The following MPZL3 variants were observed in gnomAD, a reference collection of about 807,000 sequenced individuals.
The protein encoded by MPZL3 is myelin protein zero like 3.
A neutral mutation model predicts 24.8 loss-of-function variants in MPZL3; 23 were observed. The ratio of observed to expected loss-of-function variants is 0.93; its 90% CI spans 0.67 to 1.31. MPZL3 has a LOEUF of 1.31. MPZL3 is among the 40% of genes most tolerant of loss of function. MPZL3 has a pLI of 0.00. For synonymous variants in MPZL3, 99 were observed against 106.5 expected, an observed-to-expected ratio of 0.93 and a Z score of 0.44; for missense variants, 277 against 294.9, an observed-to-expected ratio of 0.94 and a Z score of 0.44.
At position 118,229,146 on chromosome 11, in the gene MPZL3, A is replaced by AC. The variant is rs1472145745; in HGVS notation, c.*747_*748insG. The AC allele has an allele frequency of 1.4e-5, 2 of 141,492 alleles. No homozygotes were observed. The highest frequency in any genetic ancestry group is 4.3e-4 in the East Asian group (2 of 4,672). 8.8% of individuals were successfully genotyped at this position (141,492 alleles called of 1,614,324 possible). On this transcript the variant is annotated 3_prime_UTR_variant, in exon 6 of 6. Transcript: ENST00000278949. ...GCCTCAAAAAAAAAAAAAAAAAAAA[A>AC]AAAGCAAGACAGAAAATAACAAAGA...
chr11:118,240,283 T>C lies in MPZL3; in HGVS notation c.168A>G (p.Ser56=). 6.2e-7 allele frequency: 1 copy of C among 1,607,384 alleles called. No individual in the cohort carries two copies. The highest frequency in any genetic ancestry group is 1.1e-5 in the South Asian group (1 of 89,526). Residue 56 remains serine (S), a synonymous_variant, in exon 2 of 6, where the codon TCA becomes TCG. Coordinates refer to ENST00000278949, the MANE Select transcript of MPZL3 (RefSeq NM_198275.3). ...EKIKLKCTFK[S]TSDVTDKLTI... The stretch of plus-strand genomic sequence containing the variant: ...TAAGTTTGTCAGTGACATCTGAAGT[T>C]GACTTGAAAGTGCATTTCAACTTGA...
At chr11:118,243,578 G>A (rs767668185) in intron 1 of MPZL3, among the ~76,000 whole-genome samples, 3 of 152,086 alleles carry the variant, frequency 2.0e-5, no homozygotes, top group Non-Finnish European at 4.4e-5. Flanking sequence ...AGAGCAGCCG[G>A]GGCAACATGG....
At chr11:118,234,950 T>C (rs1949403558) in intron 4 of MPZL3, among the ~76,000 whole-genome samples, 1 of 152,206 alleles carries the variant, frequency 6.6e-6, no homozygotes, top group Non-Finnish European at 1.5e-5. Flanking sequence ...CCACGATCCA[T>C]GTAGCCCCTC....
Position 118,241,636 on chromosome 11 carries a change from G to A in MPZL3, c.74-1259C>T, listed in dbSNP as rs548183631. 3.9e-5 allele frequency among the ~76,000 whole-genome samples: 6 copies of A among 152,336 alleles called. No individual in the cohort carries two copies. In the East Asian group the frequency reaches 1.2e-3, roughly 29 times the overall value. On this transcript the variant is annotated intron_variant, in intron 1 of 5. Coordinates refer to ENST00000278949, the MANE Select transcript of MPZL3 (RefSeq NM_198275.3). ...TCAGTGCGTGTTAGACAGTGTCATTGTCATTATTGCCACCTCTTCAGTCCT... is the reference window on the plus strand; with the variant it reads ...TCAGTGCGTGTTAGACAGTGTCATTATCATTATTGCCACCTCTTCAGTCCT...
intron 5 of MPZL3, among the ~76,000 whole-genome samples, chr11:118,232,543 AT>A (rs1407159663): frequency 9.9e-5 from 15 of 152,160 alleles, no homozygotes; most frequent in African/African-American, 3.6e-4. Flanking sequence ...AGAACAGTAC[AT>A]ATGGCACGTG....
At chr11:118,250,601 A>G (rs899090375) in intron 1 of MPZL3, among the ~76,000 whole-genome samples, 2 of 152,056 alleles carry the variant, frequency 1.3e-5, no homozygotes, top group African/African-American at 4.8e-5. Flanking sequence ...GTTTTTTGAG[A>G]CGGAGTTTCT....
At chr11:118,246,000 T>C (rs1949552639) in intron 1 of MPZL3, among the ~76,000 whole-genome samples, 1 of 152,312 alleles carries the variant, frequency 6.6e-6, no homozygotes, top group East Asian at 1.9e-4. Context: ...CAAAGAGATA[T>C]GGGTTACAAT....
At chr11:118,251,095 GT>G (rs1481703600) in intron 1 of MPZL3, among the ~76,000 whole-genome samples, 4 of 150,516 alleles carry the variant, frequency 2.7e-5, no homozygotes, top group African/African-American at 9.9e-5. Flanking sequence ...GTGTGTGTGT[GT>G]GTGTGTGTGT....
intron 1 of MPZL3, among the ~76,000 whole-genome samples, chr11:118,245,689 T>C (rs1324509173): frequency 2.0e-5 from 3 of 152,122 alleles, no homozygotes; most frequent in Admixed American, 6.5e-5. Flanking sequence ...ATGGATCTAG[T>C]GGAAAGGGAA....
intron 2 of MPZL3, 101 bp from the exon 3 acceptor site, chr11:118,237,361 G>GT (rs920867177): frequency 3.1e-4 from 337 of 1,080,088 alleles, no homozygotes; most frequent in African/African-American, 1.7e-3. Flanking sequence ...ATAATGGTGT[G>GT]TTTTTTTTCA....
intron 4 of MPZL3, among the ~76,000 whole-genome samples, chr11:118,234,174 T>G (rs1949390312): frequency 6.6e-6 from 1 of 152,208 alleles, no homozygotes; most frequent in Admixed American, 6.5e-5. Context: ...AGTCTGAGCA[T>G]TGTGCTAGCC....
chr11:118,244,859 G>C (rs1053019810), intron 1 of MPZL3, among the ~76,000 whole-genome samples: 2 of 152,124 alleles, frequency 1.3e-5, no homozygotes, highest in Non-Finnish European at 1.5e-5. Context: ...GGTGGATCAC[G>C]AGTTCAGGAG....
At chr11:118,249,227 G>A (rs751479747) in intron 1 of MPZL3, among the ~76,000 whole-genome samples, 6 of 152,094 alleles carry the variant, frequency 3.9e-5, no homozygotes, top group East Asian at 1.9e-4. Context: ...GAAGGCTTTT[G>A]GAATGCAAGG....
intron 2 of MPZL3, among the ~76,000 whole-genome samples, chr11:118,239,996 A>G (rs1264205812): frequency 1.3e-5 from 2 of 152,226 alleles, no homozygotes; most frequent in African/African-American, 4.8e-5. Flanking sequence ...TGAGTTTCTG[A>G]CAGCTTTTTT....
chr11:118,229,817 C>G lies in MPZL3; in HGVS notation c.*77G>C, dbSNP rs761780746. On this transcript the variant is annotated 3_prime_UTR_variant, in exon 6 of 6. Coordinates refer to ENST00000278949, the MANE Select transcript of MPZL3 (RefSeq NM_198275.3). ...ATGGTCCAGGCCAGCTCCACTTTCT[C>G]TGACAGGCTTTAGCTGCCAGTGGAA... is the stretch of plus-strand genomic sequence containing the variant. The G allele has an allele frequency of 3.5e-5, 52 of 1,504,202 alleles. 1 individual carries two copies. The South Asian group carries it at 5.7e-4, about 16-fold the overall frequency. The allele number at this position is 1,504,202 out of a possible 1,614,324, so 93.2% of individuals were successfully genotyped here. A position where few individuals can be genotyped will look rare whatever the true frequency, so the allele number is the denominator to read the frequency against.
chr11:118,248,623 C>T (rs1427845839), intron 1 of MPZL3, among the ~76,000 whole-genome samples: 3 of 150,936 alleles, frequency 2.0e-5, no homozygotes, highest in African/African-American at 7.3e-5. Flanking sequence ...ATAGTTTATC[C>T]ATGGATGAAC....
In MPZL3 at chr11:118,229,774, C is replaced by T; in HGVS notation, c.*120G>A. On this transcript the variant is annotated 3_prime_UTR_variant, in exon 6 of 6. Coordinates refer to ENST00000278949, the MANE Select transcript of MPZL3 (RefSeq NM_198275.3). ...TTCCTAAAGTCTTTACTGATGATCT[C>T]CAGGATTGTCCATCGCTATGGTCCA... 1.1e-6 allele frequency: 1 copy of T among 874,684 alleles called. No individual in the cohort carries two copies. Among genetic ancestry groups the T allele is most frequent in the Non-Finnish European group, 1.8e-6 (1 of 544,366 alleles). The allele number at this position is 874,684 out of a possible 1,614,324, so 54.2% of individuals were successfully genotyped here.
rs533552649 is a variant in MPZL3, at chr11:118,248,743, A to AT, written c.73+3478dup. Among the ~76,000 whole-genome samples, 20 of 151,838 alleles carry AT rather than the reference A, an allele frequency of 1.3e-4. 1 individual carries two copies. Among genetic ancestry groups the AT allele is most frequent in the Admixed American group, 7.2e-4 (11 of 15,246 alleles). ...ATTATTAACTTTTTTCTTTTTCTTG[A>AT]TTTTTTTTGGTTCTAATTCACTTGT... On this transcript the variant is annotated intron_variant, in intron 1 of 5. Transcript: ENST00000278949.
intron 1 of MPZL3, among the ~76,000 whole-genome samples, chr11:118,245,731 C>T (rs575834626): frequency 1.3e-5 from 2 of 152,230 alleles, no homozygotes; most frequent in African/African-American, 4.8e-5. Flanking sequence ...CTGACCTTGC[C>T]GCTAGCTCTG....
Sources: gnomAD v4.1 joint callset for allele counts (sites outside exome capture counted in the v4.1 genomes callset) on GRCh38, gnomAD v4.1.1 for gene constraint, MANE v1.5 for transcripts, NCBI Gene and HGNC (gene_info 2026-07-23, HGNC 2026-07-21) for gene names.